Variants in PAFAH1B1 observed in about 807,000 individuals in gnomAD.
PAFAH1B1 encodes platelet activating factor acetylhydrolase 1b regulatory subunit 1.
A neutral mutation model predicts 57.5 loss-of-function variants in PAFAH1B1; 2 were observed. The observed-to-expected ratio is 0.03, with a 90% CI of 0.01 to 0.11. The LOEUF (loss-of-function observed/expected upper bound fraction) is 0.11. Among genes scored for constraint, PAFAH1B1 ranks in the 10% least tolerant of loss-of-function variants. The probability of loss-of-function intolerance (pLI) is 1.00; values close to 1 mark genes in which losing one functional copy is unlikely to be tolerated. For synonymous variants in PAFAH1B1, 152 were observed against 169.6 expected, an observed-to-expected ratio of 0.90 and a Z score of 0.81; for missense variants, 257 against 512.0, an observed-to-expected ratio of 0.50 and a Z score of 4.81.
intron 2 of PAFAH1B1, chr17:2,639,690 G>C (rs1210587394): frequency 6.6e-6 from 1 of 151,958 alleles, no homozygotes. Flanking sequence ...TCCGCTTCCA[G>C]GGTTCAACCA....
chr17:2,675,454 C>G (rs990003755), intron 8 of PAFAH1B1, among the ~76,000 whole-genome samples: 1 of 152,016 alleles, frequency 6.6e-6, no homozygotes, highest in African/African-American at 2.4e-5. Flanking sequence ...TTGATTGGCC[C>G]ATTGCATTTT....
chr17:2,619,483 C>T (rs1480820886), intron 1 of PAFAH1B1, among the ~76,000 whole-genome samples: 1 of 151,562 alleles, frequency 6.6e-6, no homozygotes, highest in African/African-American at 2.4e-5. Context: ...CCCACCTCAC[C>T]CTCCCAAAGT....
At position 2,621,049 on chromosome 17, in the gene PAFAH1B1, T is replaced by C. The variant is rs139070089; in HGVS notation, c.-190-17050T>C. Among the ~76,000 whole-genome samples the C allele has an allele frequency of 9.9e-3, 1,503 of 152,248 alleles. 11 individuals are homozygous for C. The highest frequency in any genetic ancestry group is 0.015 in the Non-Finnish European group (991 of 68,014). Reference sequence around the variant, plus strand: ...ATTGTTGAAAACAAGAGTATATCTGTGATATGAATAGTCATACATATTAAT... The same window carrying C: ...ATTGTTGAAAACAAGAGTATATCTGCGATATGAATAGTCATACATATTAAT... On this transcript the variant is annotated intron_variant, in intron 1 of 10. Transcript: ENST00000397195.
intron 1 of PAFAH1B1, among the ~76,000 whole-genome samples, chr17:2,600,606 G>T (rs1597507142): frequency 6.7e-6 from 1 of 148,294 alleles, no homozygotes; most frequent in African/African-American, 2.5e-5. Context: ...GAAAGAATAT[G>T]TTCTATGATA....
intron 6 of PAFAH1B1, 98 bp downstream of exon 6, chr17:2,670,429 CTTAA>C: frequency 1.1e-5 from 13 of 1,143,288 alleles, no homozygotes; most frequent in Non-Finnish European, 1.6e-5. Flanking sequence ...TTATTCACCT[CTTAA>C]TTGTCAGTAT....
rs187878265 is a variant in PAFAH1B1 at position 2,593,891 on chromosome 17, C to T, written c.-306C>T. ...GGGCCCGGGCCCAGCGCGCCATCCT[C>T]CCCCCTCCTTCCCTCCCTCCCTCCT... On this transcript the variant is annotated 5_prime_UTR_variant, in exon 1 of 11. Transcript: ENST00000397195. 3.4e-6 allele frequency: 1 copy of T among 290,022 alleles called. No homozygotes were observed. The highest frequency in any genetic ancestry group is 6.3e-6 in the Non-Finnish European group (1 of 158,308). The allele number at this position is 290,022 out of a possible 1,614,324, so 18.0% of individuals were successfully genotyped here.
At chr17:2,618,548 C>T (rs1029502708) in intron 1 of PAFAH1B1, among the ~76,000 whole-genome samples, 13 of 151,976 alleles carry the variant, frequency 8.6e-5, no homozygotes, top group East Asian at 1.9e-4. Flanking sequence ...TTTTCAGATA[C>T]GTGATGCAAT....
intron 1 of PAFAH1B1, among the ~76,000 whole-genome samples, chr17:2,631,025 G>A (rs533089673): frequency 2.9e-4 from 44 of 152,300 alleles, no homozygotes; most frequent in African/African-American, 1.0e-3. Flanking sequence ...TGGATCACCT[G>A]AGGTCATGAG....
intron 1 of PAFAH1B1, among the ~76,000 whole-genome samples, chr17:2,618,859 G>A (rs959003934): frequency 6.7e-6 from 1 of 149,010 alleles, no homozygotes; most frequent in African/African-American, 2.5e-5. Flanking sequence ...TTGCAGTGAG[G>A]CAGGAGAATC....
intron 5 of PAFAH1B1, chr17:2,667,438 T>C (rs977758151): frequency 4.1e-5 from 18 of 438,812 alleles, no homozygotes; most frequent in South Asian, 2.9e-4. Context: ...GATTTGGTTC[T>C]AAATCTTAAA....
chr17:2,661,546 G>A (rs2069013313), intron 2 of PAFAH1B1, among the ~76,000 whole-genome samples: 1 of 152,154 alleles, frequency 6.6e-6, no homozygotes, highest in Non-Finnish European at 1.5e-5. Flanking sequence ...CCAGTAGCAT[G>A]CTGTTTTGGT....
At chr17:2,650,269 T>C (rs1199582551) in intron 2 of PAFAH1B1, among the ~76,000 whole-genome samples, 1 of 151,928 alleles carries the variant, frequency 6.6e-6, no homozygotes, top group Non-Finnish European at 1.5e-5. Flanking sequence ...CCCAACACTT[T>C]GGGAGGCCGA....
chr17:2,673,155 C>A (rs955511315), intron 7 of PAFAH1B1, among the ~76,000 whole-genome samples: 1 of 152,102 alleles, frequency 6.6e-6, no homozygotes, highest in Non-Finnish European at 1.5e-5. Flanking sequence ...GACTTTAACC[C>A]GGAATGATCA....
At chr17:2,644,317 G>A (rs904960276) in intron 2 of PAFAH1B1, among the ~76,000 whole-genome samples, 4 of 152,102 alleles carry the variant, frequency 2.6e-5, no homozygotes, top group Non-Finnish European at 5.9e-5. Flanking sequence ...CGAGACGGGT[G>A]CATGACCTTA....
intron 1 of PAFAH1B1, among the ~76,000 whole-genome samples, chr17:2,602,872 A>T (rs2068161002): frequency 6.6e-6 from 1 of 152,260 alleles, no homozygotes; most frequent in South Asian, 2.1e-4. Context: ...TAAGTAGCAG[A>T]GCTGAAAGTT....
At chr17:2,664,423 T>G (rs1340255568) in intron 2 of PAFAH1B1, among the ~76,000 whole-genome samples, 2 of 148,490 alleles carry the variant, frequency 1.3e-5, no homozygotes, top group East Asian at 2.0e-4. Context: ...TTTTTTTTTT[T>G]GAGAAGGAAT....
intron 1 of PAFAH1B1, among the ~76,000 whole-genome samples, chr17:2,611,788 G>A (rs1202891468): frequency 5.3e-5 from 8 of 152,108 alleles, no homozygotes; most frequent in Non-Finnish European, 1.2e-4. Flanking sequence ...CATGAGTTTG[G>A]TCGGGACACA....
At chr17:2,625,594 A>G (rs2068479053) in intron 1 of PAFAH1B1, among the ~76,000 whole-genome samples, 1 of 152,200 alleles carries the variant, frequency 6.6e-6, no homozygotes, top group African/African-American at 2.4e-5. Context: ...AAAATATTCT[A>G]AACTCTTTCT....
At chr17:2,675,530 G>A (rs1273467110) in intron 8 of PAFAH1B1, among the ~76,000 whole-genome samples, 3 of 152,062 alleles carry the variant, frequency 2.0e-5, no homozygotes, top group African/African-American at 7.2e-5. Context: ...ATTCTGGTGT[G>A]GTGGCTCACG....
Sources: allele counts gnomAD v4.1 joint callset (sites outside exome capture counted in the v4.1 genomes callset), GRCh38; gene constraint gnomAD v4.1.1; transcripts MANE v1.5; gene names NCBI Gene and HGNC (gene_info 2026-07-23, HGNC 2026-07-21).